DIAPH2: variants seen among roughly 807,000 people sequenced by gnomAD.
The protein encoded by DIAPH2 is diaphanous related formin 2.
A neutral mutation model predicts 92.7 loss-of-function variants in DIAPH2; 35 were observed. The ratio of observed to expected loss-of-function variants is 0.38; its 90% CI spans 0.29 to 0.50. DIAPH2 has a LOEUF of 0.50. Ranked by LOEUF, DIAPH2 falls within the 20% of genes least tolerant of loss-of-function variation. DIAPH2 has a pLI of 0.94. For synonymous variants in DIAPH2, 301 were observed against 280.4 expected (o/e 1.07, Z -0.73); for missense variants, 701 against 819.5 (o/e 0.86, Z 1.77).
chrX:97,550,840 A>G (rs972397542), intron 26 of DIAPH2, among the ~76,000 whole-genome samples: 1 of 111,368 alleles, frequency 9.0e-6, no homozygotes, highest in African/African-American at 3.3e-5. Flanking sequence ...GGAATGGAAC[A>G]TTTTACTGAG....
chrX:97,285,408 G>GA (rs2068533972), intron 23 of DIAPH2, among the ~76,000 whole-genome samples: 2 of 66,579 alleles, frequency 3.0e-5, no homozygotes, highest in South Asian at 1.6e-3. Context: ...AAAAAAAAAA[G>GA]ATTCAGTTAT....
chrX:97,206,311 TAAAGTA>T (rs2067795666), intron 22 of DIAPH2, among the ~76,000 whole-genome samples: 1 of 111,585 alleles, frequency 9.0e-6, no homozygotes, highest in South Asian at 3.8e-4. Flanking sequence ...TCCTGGAACT[TAAAGTA>T]AAAACAAAAA....
chrX:97,053,692 C>T (rs1487850472), intron 17 of DIAPH2, among the ~76,000 whole-genome samples: 1 of 111,208 alleles, frequency 9.0e-6, no homozygotes, highest in Admixed American at 9.6e-5. Context: ...GTTTCCAGTC[C>T]CTCTTTCACA....
chrX:96,821,639 A>T (rs1293209930), intron 4 of DIAPH2, among the ~76,000 whole-genome samples: 2 of 111,799 alleles, frequency 1.8e-5, no homozygotes, highest in Non-Finnish European at 3.8e-5. Context: ...TTGATAATGA[A>T]TTTTTTTTGT....
intron 24 of DIAPH2, among the ~76,000 whole-genome samples, chrX:97,373,812 G>A (rs956650669): frequency 9.1e-6 from 1 of 109,354 alleles, no homozygotes; most frequent in African/African-American, 3.3e-5. Flanking sequence ...CTCCATGTTG[G>A]TCAGGTTTCA....
chrX:97,191,318 A>T (rs1430414882), intron 22 of DIAPH2, among the ~76,000 whole-genome samples: 2 of 107,652 alleles, frequency 1.9e-5, no homozygotes, highest in African/African-American at 7.0e-5. Context: ...ACAAGAGGGA[A>T]ACTCTCTCAA....
chrX:96,932,875 A>G (rs1437179447), intron 10 of DIAPH2, among the ~76,000 whole-genome samples: 59 of 111,228 alleles, frequency 5.3e-4, no homozygotes, highest in Non-Finnish European at 1.1e-4. Flanking sequence ...AGATCTTATT[A>G]CTTCTATCAA....
chrX:96,966,331 T>G (rs777618758), intron 17 of DIAPH2, among the ~76,000 whole-genome samples: 4 of 112,091 alleles, frequency 3.6e-5, no homozygotes, highest in Non-Finnish European at 5.6e-5. Context: ...TTTATTATAA[T>G]CACTGTTTAA....
intron 26 of DIAPH2, among the ~76,000 whole-genome samples, chrX:97,514,388 G>A (rs866279973): frequency 5.6e-3 from 400 of 71,284 alleles, no homozygotes; most frequent in African/African-American, 8.2e-3. Context: ...TCTCTGTATT[G>A]GTTTTTCTAG....
intron 17 of DIAPH2, among the ~76,000 whole-genome samples, chrX:97,068,362 A>G (rs2066646836): frequency 9.0e-6 from 1 of 111,588 alleles, no homozygotes; most frequent in African/African-American, 3.3e-5. Flanking sequence ...TGAAGATTGT[A>G]TTGGTGGTTA....
intron 23 of DIAPH2, among the ~76,000 whole-genome samples, chrX:97,295,342 A>G (rs1036409325): frequency 8.9e-6 from 1 of 112,350 alleles, no homozygotes; most frequent in African/African-American, 3.2e-5. Context: ...GGAACAAACA[A>G]AGGTAGACAA....
At chrX:97,296,957 A>C (rs916509536) in intron 23 of DIAPH2, among the ~76,000 whole-genome samples, 33 of 108,192 alleles carry the variant, frequency 3.1e-4, no homozygotes, top group African/African-American at 1.1e-3. Context: ...TTGTATTTTT[A>C]GTAGAGATAG....
intron 23 of DIAPH2, among the ~76,000 whole-genome samples, chrX:97,252,558 A>G (rs2068197054): frequency 8.9e-6 from 1 of 111,808 alleles, no homozygotes; most frequent in Non-Finnish European, 1.9e-5. Flanking sequence ...TAAGTAGATG[A>G]AAAAACTCAC....
chrX:97,574,575 A>G (rs2071389524), intron 26 of DIAPH2, among the ~76,000 whole-genome samples: 1 of 111,615 alleles, frequency 9.0e-6, no homozygotes. Context: ...GATGAGTAGG[A>G]GTTTCTTGGG....
chrX:97,166,423 TG>T (rs1489209356), intron 22 of DIAPH2, among the ~76,000 whole-genome samples: 1 of 111,840 alleles, frequency 8.9e-6, no homozygotes, highest in Non-Finnish European at 1.9e-5. Flanking sequence ...TTAAAAAGAC[TG>T]GGAGATGCGA....
At chrX:96,929,788 A>G (rs908627510) in intron 9 of DIAPH2, among the ~76,000 whole-genome samples, 1 of 110,195 alleles carries the variant, frequency 9.1e-6, no homozygotes, top group Non-Finnish European at 1.9e-5. Context: ...CCCTTTGAGC[A>G]CTCTTCTACT....
intron 24 of DIAPH2, among the ~76,000 whole-genome samples, chrX:97,374,461 A>C (rs1328401717): frequency 8.9e-6 from 1 of 112,233 alleles, no homozygotes; most frequent in Non-Finnish European, 1.9e-5. Flanking sequence ...GTGAGAAAGA[A>C]GTTCTACTTC....
At chrX:97,534,356 C>A (rs2071081517) in intron 26 of DIAPH2, among the ~76,000 whole-genome samples, 1 of 110,551 alleles carries the variant, frequency 9.0e-6, no homozygotes, top group Non-Finnish European at 1.9e-5. Flanking sequence ...CACCCCCATT[C>A]TTATAAATTA....
At chrX:97,043,244 A>G (rs1225556566) in intron 17 of DIAPH2, among the ~76,000 whole-genome samples, 1 of 111,228 alleles carries the variant, frequency 9.0e-6, no homozygotes, top group Non-Finnish European at 1.9e-5. Flanking sequence ...TATCTTTCAA[A>G]CTGCTTTGCT....
Sources: allele counts gnomAD v4.1 joint callset (sites outside exome capture counted in the v4.1 genomes callset), GRCh38; gene constraint gnomAD v4.1.1; transcripts MANE v1.5; gene names NCBI Gene and HGNC (gene_info 2026-07-23, HGNC 2026-07-21).